The following MDGA2 variants were observed in gnomAD, a reference collection of about 807,000 sequenced individuals.
MDGA2 encodes the protein MAM domain-containing glycosylphosphatidylinositol anchor protein 2.
Under a neutral mutation model 117.8 loss-of-function variants are expected in MDGA2, and 40 were observed. The observed-to-expected ratio is 0.34, with a 90% CI of 0.26 to 0.44. MDGA2 has a LOEUF of 0.44. Among genes scored for constraint, MDGA2 ranks in the 20% least tolerant of loss-of-function variants. The probability of loss-of-function intolerance (pLI) is 1.00; values close to 1 mark genes in which losing one functional copy is unlikely to be tolerated. For synonymous variants in MDGA2, 452 were observed against 439.0 expected (o/e 1.03, Z -0.37); for missense variants, 1,123 against 1,250.6 (o/e 0.90, Z 1.54).
chr14:47,083,290 T>G (rs941282641), intron 6 of MDGA2, among the ~76,000 whole-genome samples: 1 of 151,822 alleles, frequency 6.6e-6, no homozygotes, highest in Admixed American at 6.6e-5. Context: ...CTATAAAATG[T>G]CTAAAGATAA....
At chr14:47,370,617 T>C (rs1446353707) in intron 1 of MDGA2, among the ~76,000 whole-genome samples, 1 of 150,864 alleles carries the variant, frequency 6.6e-6, no homozygotes, top group Non-Finnish European at 1.5e-5. Flanking sequence ...AATGTGTTGT[T>C]TATTGAAATA....
chr14:47,371,707 T>G (rs1891363234), intron 1 of MDGA2, among the ~76,000 whole-genome samples: 1 of 151,788 alleles, frequency 6.6e-6, no homozygotes, highest in African/African-American at 2.4e-5. Flanking sequence ...TTCTCATTAT[T>G]ACTGAAAGGG....
intron 2 of MDGA2, among the ~76,000 whole-genome samples, chr14:47,295,253 C>G (rs1321325333): frequency 6.6e-6 from 1 of 152,146 alleles, no homozygotes; most frequent in Non-Finnish European, 1.5e-5. Flanking sequence ...CGGAGAAGGT[C>G]AGTATCTTCC....
intron 1 of MDGA2, among the ~76,000 whole-genome samples, chr14:47,464,836 C>T (rs1293816031): frequency 6.6e-6 from 1 of 151,940 alleles, no homozygotes; most frequent in African/African-American, 2.4e-5. Context: ...TTTTAAAACT[C>T]ATACTGAACG....
intron 5 of MDGA2, among the ~76,000 whole-genome samples, chr14:47,122,858 A>C (rs973583328): frequency 1.3e-5 from 2 of 152,078 alleles, no homozygotes; most frequent in African/African-American, 4.8e-5. Context: ...AGGAGTATAA[A>C]AAATCCTATT....
At chr14:47,036,941 A>G (rs543251605) in intron 7 of MDGA2, among the ~76,000 whole-genome samples, 1 of 152,364 alleles carries the variant, frequency 6.6e-6, no homozygotes, top group African/African-American at 2.4e-5. Flanking sequence ...AATATGAACT[A>G]TTCACCACCA....
intron 8 of MDGA2, among the ~76,000 whole-genome samples, chr14:46,999,559 G>A (rs1887429024): frequency 6.6e-6 from 1 of 152,082 alleles, no homozygotes; most frequent in South Asian, 2.1e-4. Context: ...ATTGATAGAT[G>A]TATTTGCAGT....
At position 47,426,698 on chromosome 14, in the gene MDGA2, T is replaced by TTATA. The variant is rs10640741; in HGVS notation, c.281-125152_281-125149dup. ...TATATATATCATTTATATATATCAT[T>TTATA]TATATATATATATACATATATGTAT... On this transcript the variant is annotated intron_variant, in intron 1 of 16. Transcript: ENST00000399232. Among the ~76,000 whole-genome samples the TTATA allele has an allele frequency of 9.9e-3, 1,447 of 146,350 alleles. 22 individuals are homozygous for TTATA. Among genetic ancestry groups the TTATA allele is most frequent in the African/African-American group, 0.031 (1,265 of 40,520 alleles).
intron 1 of MDGA2, among the ~76,000 whole-genome samples, chr14:47,502,301 G>C (rs1302282615): frequency 6.6e-6 from 1 of 151,974 alleles, no homozygotes; most frequent in African/African-American, 2.4e-5. Context: ...ATCCAGACTG[G>C]GTGACAGAGT....
chr14:47,200,536 T>TTTC lies in MDGA2; in HGVS notation c.595+17484_595+17485insGAA, dbSNP rs1345214946. On this transcript the variant is annotated intron_variant, in intron 3 of 16. Transcript: ENST00000399232. ...CTTTTCTTTTTTCTTTTTCTTTTCT[T>TTTC]TTTTTTTTTTTTTGAGGAGTTAACA... 8.2e-4 allele frequency: 347 copies of TTTC among 422,340 alleles called. 4 individuals are homozygous for TTTC. The highest frequency in any genetic ancestry group is 8.1e-3 in the African/African-American group (311 of 38,510). The allele number at this position is 422,340 out of a possible 1,614,324, so 26.2% of individuals were successfully genotyped here.
intron 1 of MDGA2, among the ~76,000 whole-genome samples, chr14:47,337,974 C>T (rs372429536): frequency 1.3e-5 from 2 of 152,010 alleles, no homozygotes; most frequent in African/African-American, 4.8e-5. Flanking sequence ...CACACCAGAA[C>T]ACTGCACTGC....
At chr14:46,880,896 C>T (rs1388493457) in intron 11 of MDGA2, among the ~76,000 whole-genome samples, 1 of 150,738 alleles carries the variant, frequency 6.6e-6, no homozygotes, top group Middle Eastern at 3.2e-3. Context: ...AGTTTTAGAT[C>T]CACTTTTAAC....
intron 1 of MDGA2, among the ~76,000 whole-genome samples, chr14:47,552,785 A>G (rs911845830): frequency 2.5e-4 from 36 of 146,518 alleles, no homozygotes; most frequent in African/African-American, 8.3e-4. Context: ...TAAAAGCACA[A>G]TAACATCTCT....
chr14:47,389,821 T>C (rs1891853022), intron 1 of MDGA2, among the ~76,000 whole-genome samples: 1 of 152,168 alleles, frequency 6.6e-6, no homozygotes, highest in Non-Finnish European at 1.5e-5. Context: ...GGTAGAGGAT[T>C]CTAACATAAT....
At chr14:46,933,016 T>C (rs868432147) in intron 9 of MDGA2, among the ~76,000 whole-genome samples, 1 of 152,052 alleles carries the variant, frequency 6.6e-6, no homozygotes, top group Non-Finnish European at 1.5e-5. Flanking sequence ...TACAATATAA[T>C]TTATGTTCAT....
rs1379051245 is a variant in MDGA2 at position 47,230,794 on chromosome 14, A to ATTT, written c.421-12600_421-12599insAAA. ...AAGATATGCGAAACTAAACTGAGGC[A>ATTT]TAAGAAACAATATACATTAAAGAGG... is the stretch of plus-strand genomic sequence containing the variant. On this transcript the variant is annotated intron_variant, in intron 2 of 16. Coordinates refer to ENST00000399232, the MANE Select transcript of MDGA2 (RefSeq NM_001113498.3). Among the ~76,000 whole-genome samples the ATTT allele has an allele frequency of 3.3e-5, 5 of 152,108 alleles. No individual in the cohort carries two copies. The South Asian group carries it at 1.0e-3, about 31-fold the overall frequency.
intron 1 of MDGA2, among the ~76,000 whole-genome samples, chr14:47,373,127 A>G (rs1344399887): frequency 2.6e-5 from 4 of 152,124 alleles, no homozygotes; most frequent in African/African-American, 9.6e-5. Context: ...GGAATGACAT[A>G]AACTAGGCTA....
intron 10 of MDGA2, among the ~76,000 whole-genome samples, chr14:46,895,311 C>A (rs771199740): frequency 6.6e-6 from 1 of 152,186 alleles, no homozygotes; most frequent in Non-Finnish European, 1.5e-5. Flanking sequence ...TTGCTAGGCA[C>A]TTTTCTCCTT....
At chr14:47,631,446 A>G (rs1897247917) in intron 1 of MDGA2, among the ~76,000 whole-genome samples, 1 of 152,144 alleles carries the variant, frequency 6.6e-6, no homozygotes, top group Non-Finnish European at 1.5e-5. Context: ...ATTTTTTAAA[A>G]CAAAAACGAA....
Sources: gnomAD v4.1 joint callset for allele counts (sites outside exome capture counted in the v4.1 genomes callset) on GRCh38, gnomAD v4.1.1 for gene constraint, MANE v1.5 for transcripts, NCBI Gene and HGNC (gene_info 2026-07-23, HGNC 2026-07-21) for gene names.